Variants in MCTP1 observed in about 807,000 individuals in gnomAD.
The protein encoded by MCTP1 is multiple C2 and transmembrane domain-containing protein 1.
In MCTP1, 69 loss-of-function variants were observed where a neutral mutation model predicts 120.6. The ratio of observed to expected loss-of-function variants is 0.57; its 90% CI spans 0.47 to 0.70. The LOEUF (loss-of-function observed/expected upper bound fraction) is 0.70. Ranked by LOEUF, MCTP1 falls within the 30% of genes least tolerant of loss-of-function variation. The pLI is 0.00. For synonymous variants in MCTP1, 529 were observed against 493.1 expected (o/e 1.07, Z -0.96); for missense variants, 1,203 against 1,248.8 (o/e 0.96, Z 0.55).
chr5:95,092,414 A>ATACGTTCTAGTATTCTGTAGTAC (rs1562136421), intron 1 of MCTP1, among the ~76,000 whole-genome samples: 4 of 152,358 alleles, frequency 2.6e-5, no homozygotes, highest in East Asian at 1.9e-4. Context: ...GATAGGAGGA[A>ATACGTTCTAGTATTCTGTAGTAC]TACGTTCTAG....
intron 2 of MCTP1, among the ~76,000 whole-genome samples, chr5:94,973,783 G>T (rs182828136): frequency 6.6e-6 from 1 of 152,058 alleles, no homozygotes; most frequent in African/African-American, 2.4e-5. Context: ...GGGATGAAAA[G>T]GCTCATGACC....
At chr5:94,979,377 G>C (rs1828891998) in intron 2 of MCTP1, 1 of 152,146 alleles carries the variant, frequency 6.6e-6, no homozygotes, top group South Asian at 2.1e-4. Context: ...TTTATTCAGA[G>C]ATCCTGAACT....
intron 2 of MCTP1, among the ~76,000 whole-genome samples, chr5:94,965,021 G>A (rs1825248116): frequency 6.6e-6 from 1 of 151,982 alleles, no homozygotes; most frequent in Non-Finnish European, 1.5e-5. Flanking sequence ...TCAAATTCTG[G>A]ATTTGACTAT....
intron 17 of MCTP1, among the ~76,000 whole-genome samples, chr5:94,845,078 T>A (rs1792021164): frequency 6.6e-6 from 1 of 152,180 alleles, no homozygotes; most frequent in Non-Finnish European, 1.5e-5. Context: ...ACTATATATC[T>A]GACAAAAGAT....
chr5:94,821,422 C>T (rs948031562), intron 17 of MCTP1, among the ~76,000 whole-genome samples: 7 of 152,104 alleles, frequency 4.6e-5, no homozygotes, highest in Admixed American at 1.3e-4. Context: ...TTTGATCTTC[C>T]CCTGTCTAGT....
intron 2 of MCTP1, among the ~76,000 whole-genome samples, chr5:94,973,307 C>T (rs1288508374): frequency 6.6e-6 from 1 of 152,158 alleles, no homozygotes; most frequent in East Asian, 1.9e-4. Context: ...GTCCCGTCTA[C>T]CTCAAACTAT....
intron 2 of MCTP1, among the ~76,000 whole-genome samples, chr5:95,006,922 G>T (rs570650154): frequency 6.6e-5 from 10 of 152,200 alleles, no homozygotes; most frequent in Admixed American, 5.2e-4. Context: ...AAACACAACT[G>T]CTTCCAGAAA....
At chr5:94,904,639 C>T (rs1806348615) in intron 10 of MCTP1, among the ~76,000 whole-genome samples, 1 of 152,168 alleles carries the variant, frequency 6.6e-6, no homozygotes, top group South Asian at 2.1e-4. Flanking sequence ...ATTCATTCTT[C>T]TCTTTTGCAT....
intron 19 of MCTP1, among the ~76,000 whole-genome samples, chr5:94,759,088 A>T (rs919901239): frequency 6.6e-6 from 1 of 152,238 alleles, no homozygotes; most frequent in African/African-American, 2.4e-5. Context: ...GCAAGCACAG[A>T]GTTGGTGAAG....
At chr5:95,241,141 T>C (rs1204136409) in intron 1 of MCTP1, among the ~76,000 whole-genome samples, 1 of 152,300 alleles carries the variant, frequency 6.6e-6, no homozygotes, top group African/African-American at 2.4e-5. Context: ...GTTATAACTA[T>C]TGAAATCTAG....
chr5:95,012,361 T>C (rs1289218947), intron 2 of MCTP1, among the ~76,000 whole-genome samples: 4 of 152,146 alleles, frequency 2.6e-5, no homozygotes, highest in Non-Finnish European at 5.9e-5. Flanking sequence ...TCAATAATCA[T>C]GGCCTGGAGT....
chr5:95,199,700 A>C (rs1485328555), intron 1 of MCTP1, among the ~76,000 whole-genome samples: 1 of 151,940 alleles, frequency 6.6e-6, no homozygotes, highest in South Asian at 2.1e-4. Flanking sequence ...TCTATTAAAA[A>C]TACTAAAAAT....
chr5:95,215,448 A>G (rs1014302027), intron 1 of MCTP1, among the ~76,000 whole-genome samples: 6 of 152,214 alleles, frequency 3.9e-5, no homozygotes, highest in African/African-American at 9.6e-5. Flanking sequence ...GTTATCATGT[A>G]AAAAACAATA....
At chr5:95,097,896 G>T (rs774374799) in intron 1 of MCTP1, among the ~76,000 whole-genome samples, 15 of 152,180 alleles carry the variant, frequency 9.9e-5, no homozygotes, top group Non-Finnish European at 1.9e-4. Context: ...CATAGCTAAA[G>T]TTCCTTTTTT....
At chr5:95,064,600 T>C (rs1750111989) in intron 1 of MCTP1, among the ~76,000 whole-genome samples, 1 of 152,228 alleles carries the variant, frequency 6.6e-6, no homozygotes, top group Admixed American at 6.5e-5. Flanking sequence ...GTATTTTGGA[T>C]GAGTTCTCAG....
intron 1 of MCTP1, among the ~76,000 whole-genome samples, chr5:95,183,213 A>C (rs1231443992): frequency 6.6e-6 from 1 of 151,954 alleles, no homozygotes; most frequent in East Asian, 1.9e-4. Context: ...GGTCTCAAAA[A>C]ATTATGCTGA....
chr5:95,061,529 G>A (rs1288257327), intron 1 of MCTP1, among the ~76,000 whole-genome samples: 1 of 137,334 alleles, frequency 7.3e-6, no homozygotes, highest in African/African-American at 2.7e-5. Flanking sequence ...TCCGCCTCCC[G>A]GGTTCACGCC....
chr5:95,272,913 C>A (rs977584454), intron 1 of MCTP1, among the ~76,000 whole-genome samples: 1 of 152,230 alleles, frequency 6.6e-6, no homozygotes, highest in Non-Finnish European at 1.5e-5. Flanking sequence ...TATACAAGGT[C>A]AGACAGGACT....
chr5:95,256,995 T>C (rs536858086), intron 1 of MCTP1, among the ~76,000 whole-genome samples: 1 of 152,236 alleles, frequency 6.6e-6, no homozygotes, highest in East Asian at 1.9e-4. Flanking sequence ...TAACTTTTTT[T>C]AAATCAAATT....
Sources: allele counts gnomAD v4.1 joint callset (sites outside exome capture counted in the v4.1 genomes callset), GRCh38; gene constraint gnomAD v4.1.1; transcripts MANE v1.5; gene names NCBI Gene and HGNC (gene_info 2026-07-23, HGNC 2026-07-21).